Variants in MAP3K20 observed in about 807,000 individuals in gnomAD.
MAP3K20 encodes HCCS-4.
MAP3K20 carries 40 observed loss-of-function variants against 85.7 expected under a neutral mutation model. The observed-to-expected ratio is 0.47, with a 90% CI of 0.36 to 0.61. MAP3K20 has a LOEUF of 0.61. MAP3K20 is among the 20% of genes least tolerant of loss of function. MAP3K20 has a pLI of 0.00. For synonymous variants in MAP3K20, 325 were observed against 327.7 expected (o/e 0.99, Z 0.09); for missense variants, 817 against 961.7 (o/e 0.85, Z 1.99).
intron 8 of MAP3K20, among the ~76,000 whole-genome samples, chr2:173,203,270 T>C (rs2106292010): frequency 6.6e-6 from 1 of 152,224 alleles, no homozygotes; most frequent in South Asian, 2.1e-4. Flanking sequence ...AGTATATGGG[T>C]TTGACCAAAA....
chr2:173,133,677 T>A (rs745417241), intron 2 of MAP3K20, among the ~76,000 whole-genome samples: 10 of 152,140 alleles, frequency 6.6e-5, no homozygotes, highest in Admixed American at 4.6e-4. Flanking sequence ...ACAAGGACTC[T>A]GATTCAGTAG....
intron 2 of MAP3K20, among the ~76,000 whole-genome samples, chr2:173,140,101 T>C (rs1336421265): frequency 6.6e-6 from 1 of 151,784 alleles, no homozygotes; most frequent in Admixed American, 6.6e-5. Context: ...AACCTCCGCC[T>C]CCCGGGTTCA....
intron 11 of MAP3K20, chr2:173,225,151 C>T: frequency 1.0e-6 from 1 of 984,828 alleles, no homozygotes. Context: ...TCATTCTCAA[C>T]TGGGGCGGTG....
chr2:173,112,588 T>C (rs866385916), intron 2 of MAP3K20, among the ~76,000 whole-genome samples: 1 of 150,848 alleles, frequency 6.6e-6, no homozygotes, highest in African/African-American at 2.5e-5. Flanking sequence ...AGTATGTCCC[T>C]TATATGCTGA....
At chr2:173,174,717 T>C (rs1304257840) in intron 3 of MAP3K20, among the ~76,000 whole-genome samples, 1 of 152,372 alleles carries the variant, frequency 6.6e-6, no homozygotes, top group Admixed American at 6.5e-5. Context: ...TTTGGGTATA[T>C]ACCCAGTAAT....
chr2:173,102,911 C>CA (rs1442323353), intron 2 of MAP3K20, among the ~76,000 whole-genome samples: 31 of 151,930 alleles, frequency 2.0e-4, no homozygotes, highest in African/African-American at 7.2e-4. Flanking sequence ...ACTAAAAATA[C>CA]AAAAATTAGC....
chr2:173,080,739 C>T (rs1191258713), intron 1 of MAP3K20, among the ~76,000 whole-genome samples: 1 of 152,148 alleles, frequency 6.6e-6, no homozygotes, highest in Non-Finnish European at 1.5e-5. Context: ...GTCCTGTTCC[C>T]AAGTTATACT....
chr2:173,132,985 T>A (rs984154249), intron 2 of MAP3K20, among the ~76,000 whole-genome samples: 1 of 152,232 alleles, frequency 6.6e-6, no homozygotes, highest in Admixed American at 6.5e-5. Context: ...CTCAAAAGTA[T>A]TTATTGATTT....
intron 2 of MAP3K20, among the ~76,000 whole-genome samples, chr2:173,148,662 G>A (rs143370335): frequency 6.0e-4 from 92 of 152,290 alleles, no homozygotes; most frequent in African/African-American, 1.0e-3. Context: ...ACCCCAGGTC[G>A]CTCCAACCTC....
chr2:173,134,454 A>G (rs1345750702), intron 2 of MAP3K20, among the ~76,000 whole-genome samples: 1 of 25,784 alleles, frequency 3.9e-5, no homozygotes, highest in Non-Finnish European at 7.9e-5. Context: ...TTTTGCAGAG[A>G]CGGGGTTTCG....
chr2:173,105,187 CAG>C (rs1332931303), intron 2 of MAP3K20, among the ~76,000 whole-genome samples: 2 of 152,208 alleles, frequency 1.3e-5, no homozygotes, highest in Admixed American at 6.5e-5. Flanking sequence ...GGGACAGAGA[CAG>C]GGGACCAGTT....
At chr2:173,089,499 T>G (rs1372614639) in intron 1 of MAP3K20, among the ~76,000 whole-genome samples, 1 of 152,222 alleles carries the variant, frequency 6.6e-6, no homozygotes, top group Non-Finnish European at 1.5e-5. Context: ...AGTTAATATT[T>G]AGATTTCTCT....
chr2:173,236,137 C>T (rs899216317), intron 14 of MAP3K20, among the ~76,000 whole-genome samples: 1 of 151,882 alleles, frequency 6.6e-6, no homozygotes, highest in Admixed American at 6.6e-5. Flanking sequence ...ATGTGGTGCA[C>T]ACCTGTGGTG....
intron 16 of MAP3K20, among the ~76,000 whole-genome samples, chr2:173,248,588 G>C (rs574452324): frequency 6.6e-6 from 1 of 152,202 alleles, no homozygotes; most frequent in African/African-American, 2.4e-5. Context: ...AGAACTAGGC[G>C]AGGTGCTCAG....
chr2:173,152,754 A>G (rs1453011627), intron 2 of MAP3K20, among the ~76,000 whole-genome samples: 4 of 152,208 alleles, frequency 2.6e-5, no homozygotes, highest in Non-Finnish European at 5.9e-5. Context: ...GACTTGCACC[A>G]CAAGTTACGT....
Position 173,127,133 on chromosome 2 carries a change from G to A in MAP3K20, c.159+35943G>A, listed in dbSNP as rs3769191. ...AAGAAGAAAGCAAATTTCCATTGAA[G>A]GAGACCACCCAGTGACCATTTCTAA... On this transcript the variant is annotated intron_variant, in intron 2 of 19. Transcript: ENST00000375213. Among the ~76,000 whole-genome samples the A allele has an allele frequency of 5.0e-4, 76 of 152,262 alleles. No homozygotes were observed. In the East Asian group the frequency reaches 5.6e-3, roughly 11 times the overall value.
chr2:173,233,930 G>A (rs1684586306), intron 14 of MAP3K20, among the ~76,000 whole-genome samples: 1 of 152,154 alleles, frequency 6.6e-6, no homozygotes, highest in South Asian at 2.1e-4. Flanking sequence ...CTTAGAAGAA[G>A]GGCAGGAGAA....
chr2:173,254,811 A>T (rs1374658528), intron 16 of MAP3K20, among the ~76,000 whole-genome samples: 1 of 152,192 alleles, frequency 6.6e-6, no homozygotes, highest in Non-Finnish European at 1.5e-5. Flanking sequence ...AAGGAATTCC[A>T]TTACTTTATT....
At chr2:173,146,368 A>C (rs1689137049) in intron 2 of MAP3K20, among the ~76,000 whole-genome samples, 1 of 152,188 alleles carries the variant, frequency 6.6e-6, no homozygotes, top group South Asian at 2.1e-4. Flanking sequence ...GTACATGCAC[A>C]CTATTTTATT....
Sources: gnomAD v4.1 joint callset for allele counts (sites outside exome capture counted in the v4.1 genomes callset) on GRCh38, gnomAD v4.1.1 for gene constraint, MANE v1.5 for transcripts, NCBI Gene and HGNC (gene_info 2026-07-23, HGNC 2026-07-21) for gene names.